Variants in ESRRG observed in about 807,000 individuals in gnomAD.
The protein encoded by ESRRG is estrogen related receptor gamma, also known as estrogen-related receptor gamma.
A neutral mutation model predicts 44.0 loss-of-function variants in ESRRG; 13 were observed. The ratio of observed to expected loss-of-function variants is 0.30; its 90% CI spans 0.19 to 0.47. ESRRG has a LOEUF of 0.47. Among genes scored for constraint, ESRRG ranks in the 20% least tolerant of loss-of-function variants. ESRRG has a pLI of 1.00. For missense variants in ESRRG, 395 were observed against 580.6 expected (o/e 0.68, Z 3.29); for synonymous variants, 215 against 214.6 (o/e 1.00, Z -0.02).
At chr1:216,722,596 GT>G (rs200465569) in intron 1 of ESRRG, among the ~76,000 whole-genome samples, 20 of 151,880 alleles carry the variant, frequency 1.3e-4, no homozygotes, top group South Asian at 6.2e-4. Flanking sequence ...TTCTTCTTTA[GT>G]TTTTTTTCCC....
At chr1:216,954,151 G>T (rs558515396) in intron 1 of ESRRG, among the ~76,000 whole-genome samples, 1 of 151,848 alleles carries the variant, frequency 6.6e-6, no homozygotes, top group Non-Finnish European at 1.5e-5. Context: ...ATCTCTGAAC[G>T]TATTTTTTAG....
intron 1 of ESRRG, among the ~76,000 whole-genome samples, chr1:216,968,814 G>A (rs1407567604): frequency 6.6e-6 from 1 of 151,812 alleles, no homozygotes; most frequent in East Asian, 1.9e-4. Flanking sequence ...GTTGGCAAGA[G>A]CTGACATTTG....
chr1:216,890,630 G>A (rs1313603502), intron 2 of ESRRG, among the ~76,000 whole-genome samples: 4 of 152,112 alleles, frequency 2.6e-5, no homozygotes, highest in Non-Finnish European at 5.9e-5. Context: ...CCAATGTATA[G>A]AAGAATAAAC....
chr1:216,889,642 A>G (rs1016918743), intron 2 of ESRRG, among the ~76,000 whole-genome samples: 1 of 152,214 alleles, frequency 6.6e-6, no homozygotes, highest in Non-Finnish European at 1.5e-5. Flanking sequence ...AAAGGGCACC[A>G]CTTTTAGCAA....
chr1:217,075,913 C>T (rs562757454), intron 1 of ESRRG, among the ~76,000 whole-genome samples: 3 of 152,240 alleles, frequency 2.0e-5, no homozygotes, highest in Non-Finnish European at 4.4e-5. Context: ...CATGCTTTTT[C>T]ATGTGCTGAT....
At chr1:216,816,708 C>T (rs565267913) in intron 2 of ESRRG, among the ~76,000 whole-genome samples, 46 of 152,238 alleles carry the variant, frequency 3.0e-4, no homozygotes, top group African/African-American at 9.9e-4. Flanking sequence ...GCTTTGTATC[C>T]ACTAAAATCT....
At chr1:217,118,505 G>T (rs1163547130) in intron 1 of ESRRG, among the ~76,000 whole-genome samples, 1 of 152,126 alleles carries the variant, frequency 6.6e-6, no homozygotes, top group Non-Finnish European at 1.5e-5. Flanking sequence ...AGATCGACAA[G>T]AAGAAACTGT....
intron 5 of ESRRG, among the ~76,000 whole-genome samples, chr1:216,552,053 C>T (rs185063491): frequency 2.6e-3 from 400 of 152,216 alleles, no homozygotes; most frequent in African/African-American, 9.3e-3. Context: ...GATATATTCA[C>T]AGAGTATACC....
intron 3 of ESRRG, among the ~76,000 whole-genome samples, chr1:216,568,791 G>A (rs1016298595): frequency 7.9e-5 from 12 of 152,100 alleles, no homozygotes; most frequent in African/African-American, 1.9e-4. Flanking sequence ...AGTGGCTCAC[G>A]CCTGTATAAT....
intron 2 of ESRRG, among the ~76,000 whole-genome samples, chr1:216,803,506 AT>A (rs1031364512): frequency 1.3e-5 from 2 of 152,182 alleles, no homozygotes; most frequent in African/African-American, 4.8e-5. Context: ...ACAACGGAAT[AT>A]TAATTCAACA....
At chr1:217,032,094 C>T (rs940770216) in intron 1 of ESRRG, among the ~76,000 whole-genome samples, 1 of 152,122 alleles carries the variant, frequency 6.6e-6, no homozygotes, top group Non-Finnish European at 1.5e-5. Flanking sequence ...TTGGTCACTT[C>T]AAATCTGACC....
chr1:216,991,021 C>T (rs377748147), intron 1 of ESRRG, among the ~76,000 whole-genome samples: 9 of 152,156 alleles, frequency 5.9e-5, no homozygotes, highest in East Asian at 1.9e-4. Context: ...GGGAGGCGAG[C>T]ACTACCATCT....
chr1:216,776,701 C>T (rs1261172633), intron 2 of ESRRG, among the ~76,000 whole-genome samples: 2 of 152,036 alleles, frequency 1.3e-5, no homozygotes, highest in Non-Finnish European at 2.9e-5. Context: ...TTATGGAGTT[C>T]AGGAGGTAAA....
intron 2 of ESRRG, among the ~76,000 whole-genome samples, chr1:216,846,729 A>G (rs2095755968): frequency 6.6e-6 from 1 of 152,124 alleles, no homozygotes; most frequent in Admixed American, 6.6e-5. Flanking sequence ...TTTCACAATA[A>G]CAAAGTCACT....
chr1:216,730,305 T>TAAAAAAAAAAAA (rs11445965), intron 2 of ESRRG, among the ~76,000 whole-genome samples: 6 of 121,270 alleles, frequency 4.9e-5, no homozygotes, highest in East Asian at 2.4e-4. Context: ...CTTAGAAAGG[T>TAAAAAAAAAAAA]AAAAAAAAAA....
intron 1 of ESRRG, among the ~76,000 whole-genome samples, chr1:216,688,962 C>A (rs2078551261): frequency 6.6e-6 from 1 of 152,098 alleles, no homozygotes; most frequent in African/African-American, 2.4e-5. Context: ...TCTTAAAATA[C>A]AGAGATGCAT....
At chr1:216,959,314 T>C (rs1429095711) in intron 1 of ESRRG, among the ~76,000 whole-genome samples, 1 of 145,654 alleles carries the variant, frequency 6.9e-6, no homozygotes, top group African/African-American at 2.5e-5. Flanking sequence ...TAACTATATT[T>C]TAAAAGCGGC....
intron 2 of ESRRG, among the ~76,000 whole-genome samples, chr1:216,752,195 A>C (rs995954677): frequency 1.3e-5 from 2 of 152,148 alleles, no homozygotes; most frequent in African/African-American, 4.8e-5. Context: ...TTTTGTAAAA[A>C]ATCCAGTAAA....
intron 1 of ESRRG, among the ~76,000 whole-genome samples, chr1:217,088,061 A>G (rs969895282): frequency 6.6e-5 from 10 of 151,770 alleles, no homozygotes; most frequent in Non-Finnish European, 1.0e-4. Context: ...AAAAAAAAAA[A>G]AGAGAGAGAA....
Sources: gnomAD v4.1 joint callset for allele counts (sites outside exome capture counted in the v4.1 genomes callset) on GRCh38, gnomAD v4.1.1 for gene constraint, MANE v1.5 for transcripts, NCBI Gene and HGNC (gene_info 2026-07-23, HGNC 2026-07-21) for gene names.